Variants in WWC2 observed in about 807,000 individuals in gnomAD.
WWC2 encodes WW and C2 domain containing 2.
A neutral mutation model predicts 138.5 loss-of-function variants in WWC2; 101 were observed. The ratio of observed to expected loss-of-function variants is 0.73; its 90% CI spans 0.62 to 0.86. The LOEUF (loss-of-function observed/expected upper bound fraction) is 0.86, where lower values mean the gene tolerates loss of function less well. WWC2 is among the 40% of genes least tolerant of loss of function. WWC2 has a pLI of 0.00. For synonymous variants in WWC2, 558 were observed against 538.4 expected, an observed-to-expected ratio of 1.04 and a Z score of -0.50; for missense variants, 1,420 against 1,419.4, an observed-to-expected ratio of 1.00 and a Z score of -0.01.
intron 4 of WWC2, among the ~76,000 whole-genome samples, chr4:183,210,003 T>C (rs146814098): frequency 1.3e-5 from 2 of 152,336 alleles, no homozygotes; most frequent in African/African-American, 4.8e-5. Flanking sequence ...CCGTATGTGT[T>C]AATTTGATGG....
chr4:183,251,017 A>G (rs1396703853), intron 8 of WWC2, among the ~76,000 whole-genome samples: 1 of 152,222 alleles, frequency 6.6e-6, no homozygotes, highest in Non-Finnish European at 1.5e-5. Context: ...ACTTCCTGAA[A>G]GAAACCTAAG....
At chr4:183,292,807 A>G (rs941252055) in intron 21 of WWC2, among the ~76,000 whole-genome samples, 3 of 152,232 alleles carry the variant, frequency 2.0e-5, no homozygotes, top group Non-Finnish European at 4.4e-5. Context: ...AGATTCTATC[A>G]AAAGGAAAAT....
chr4:183,250,665 T>C (rs1170163096), intron 8 of WWC2, among the ~76,000 whole-genome samples: 1 of 152,170 alleles, frequency 6.6e-6, no homozygotes, highest in Non-Finnish European at 1.5e-5. Flanking sequence ...CTTTTCATAA[T>C]ATAGAACTCC....
intron 1 of WWC2, among the ~76,000 whole-genome samples, chr4:183,107,345 A>G (rs542612262): frequency 6.6e-6 from 1 of 152,182 alleles, no homozygotes; most frequent in South Asian, 2.1e-4. Flanking sequence ...TATTTTTAGT[A>G]GAGACGGGGT....
chr4:183,292,195 A>G (rs1404446342), intron 21 of WWC2, among the ~76,000 whole-genome samples: 1 of 151,970 alleles, frequency 6.6e-6, no homozygotes, highest in African/African-American at 2.4e-5. Flanking sequence ...GACCCTGTCA[A>G]TCAGTTATGA....
chr4:183,180,306 G>A (rs1734590201), intron 1 of WWC2, among the ~76,000 whole-genome samples: 1 of 152,160 alleles, frequency 6.6e-6, no homozygotes, highest in South Asian at 2.1e-4. Context: ...TCTGAGCTGT[G>A]AAGTAGTACT....
chr4:183,125,231 A>G (rs1371099006), intron 1 of WWC2, among the ~76,000 whole-genome samples: 1 of 152,140 alleles, frequency 6.6e-6, no homozygotes, highest in Non-Finnish European at 1.5e-5. Context: ...TCAATTTGCA[A>G]GTGACTCAGT....
In WWC2 at chr4:183,126,554, C is replaced by T. The variant is rs186137731; in HGVS notation, c.131+26932C>T. On this transcript the variant is annotated intron_variant, in intron 1 of 22. Transcript: ENST00000403733. The stretch of plus-strand genomic sequence containing the variant: ...GGGGGTTCTTAGGAATAGGAGAGGA[C>T]TGTTGTAGATCAAGTGGCAGCAGAG... 4.5e-4 allele frequency among the ~76,000 whole-genome samples: 69 copies of T among 152,218 alleles called. 1 individual carries two copies. The East Asian group carries it at 9.8e-3, about 22-fold the overall frequency.
chr4:183,232,467 T>C (rs556955950), intron 4 of WWC2, among the ~76,000 whole-genome samples: 1 of 152,258 alleles, frequency 6.6e-6, no homozygotes, highest in South Asian at 2.1e-4. Context: ...ACAACCACTG[T>C]TTCCTGTCTT....
At chr4:183,145,024 G>A (rs531538943) in intron 1 of WWC2, among the ~76,000 whole-genome samples, 28 of 152,308 alleles carry the variant, frequency 1.8e-4, no homozygotes, top group South Asian at 2.1e-4. Context: ...TAGAATTCCC[G>A]GTGCTTCTTT....
At chr4:183,275,357 G>T (rs1737821326) in intron 16 of WWC2, among the ~76,000 whole-genome samples, 1 of 152,040 alleles carries the variant, frequency 6.6e-6, no homozygotes, top group Non-Finnish European at 1.5e-5. Context: ...GAAAGAAATT[G>T]TAAGAGCAGA....
intron 9 of WWC2, among the ~76,000 whole-genome samples, chr4:183,255,392 C>G (rs996832568): frequency 1.3e-5 from 2 of 152,126 alleles, no homozygotes; most frequent in African/African-American, 4.8e-5. Flanking sequence ...TGTTGTTTTT[C>G]TGAATTACCC....
chr4:183,292,233 T>C (rs1244815046), intron 21 of WWC2, among the ~76,000 whole-genome samples: 1 of 151,126 alleles, frequency 6.6e-6, no homozygotes, highest in Non-Finnish European at 1.5e-5. Flanking sequence ...AAATAATAAA[T>C]GCATACACAC....
intron 4 of WWC2, among the ~76,000 whole-genome samples, chr4:183,230,141 T>G (rs561890670): frequency 6.6e-6 from 1 of 152,078 alleles, no homozygotes; most frequent in East Asian, 1.9e-4. Flanking sequence ...ATTGTTTTTT[T>G]AAGAGTGGCA....
intron 4 of WWC2, among the ~76,000 whole-genome samples, chr4:183,211,025 C>T (rs1735582855): frequency 6.6e-6 from 1 of 152,206 alleles, no homozygotes; most frequent in Admixed American, 6.5e-5. Context: ...CTACATCTCA[C>T]AAGTTTTGAA....
intron 21 of WWC2, among the ~76,000 whole-genome samples, chr4:183,306,061 A>C (rs1326392478): frequency 6.6e-6 from 1 of 152,194 alleles, no homozygotes; most frequent in South Asian, 2.1e-4. Context: ...TGTTATTTGG[A>C]AGTGGATTTG....
chr4:183,214,460 C>T lies in WWC2; in HGVS notation c.522+5435C>T, dbSNP rs369748833. ...AAAATATGACACTTTAGCTAATTAT[C>T]TCACACAGCAAAAATCATATCAGTA... is the stretch of plus-strand genomic sequence containing the variant. On this transcript the variant is annotated intron_variant, in intron 4 of 22. Transcript: ENST00000403733. 3.9e-4 allele frequency among the ~76,000 whole-genome samples: 60 copies of T among 152,158 alleles called. 1 individual carries two copies. The East Asian group carries it at 8.7e-3, about 22-fold the overall frequency.
Position 183,155,234 on chromosome 4 carries a change from G to C in WWC2, c.132-38365G>C, listed in dbSNP as rs1349122762. Among the ~76,000 whole-genome samples the C allele has an allele frequency of 3.4e-5, 5 of 146,200 alleles. No individual in the cohort carries two copies. In the East Asian group the frequency reaches 1.0e-3, roughly 30 times the overall value. Reference sequence around the variant, plus strand: ...AGAGAGAGAGAGAGAGTTAGTTGACGTGGTGAGGACAGGCTTCCTGCAGTC... The same window carrying C: ...AGAGAGAGAGAGAGAGTTAGTTGACCTGGTGAGGACAGGCTTCCTGCAGTC... On this transcript the variant is annotated intron_variant, in intron 1 of 22. Transcript: ENST00000403733.
chr4:183,164,356 ACATATATATATT>A, intron 1 of WWC2, among the ~76,000 whole-genome samples: 1 of 250 alleles, frequency 4.0e-3, no homozygotes, highest in Non-Finnish European at 0.011. Flanking sequence ...TATTATATAT[ACATATATATATT>A]ATATATACAT....
Sources: allele counts gnomAD v4.1 joint callset (sites outside exome capture counted in the v4.1 genomes callset), GRCh38; gene constraint gnomAD v4.1.1; transcripts MANE v1.5; gene names NCBI Gene and HGNC (gene_info 2026-07-23, HGNC 2026-07-21).